Variants in CAMSAP2 observed in about 807,000 individuals in gnomAD.
CAMSAP2 encodes the protein calmodulin regulated spectrin associated protein family member 2, also known as calmodulin-regulated spectrin-associated protein 2.
Under a neutral mutation model 146.1 loss-of-function variants are expected in CAMSAP2, and 26 were observed. The ratio of observed to expected loss-of-function variants is 0.18; its 90% CI spans 0.13 to 0.25. CAMSAP2 has a LOEUF of 0.25. CAMSAP2 is among the 10% of genes least tolerant of loss of function. The probability of loss-of-function intolerance (pLI) is 1.00; values close to 1 mark genes in which losing one functional copy is unlikely to be tolerated. For synonymous variants in CAMSAP2, 499 were observed against 596.6 expected (o/e 0.84, Z 2.38); for missense variants, 1,381 against 1,759.3 (o/e 0.78, Z 3.85).
In CAMSAP2 at chr1:200,853,207, CA is replaced by C; in HGVS notation, c.3603-67del. On this transcript the variant is annotated intron_variant, in intron 12 of 16. Transcript: ENST00000358823. The surrounding 1 kb of genome is among the most constrained non-coding windows in gnomAD (Gnocchi z 5.1). ...GAATTCTCCTTTCTCATATCAAATACATAACTCTCTCCTGTATGGTTTGTCT... is the reference window on the plus strand; with the variant it reads ...GAATTCTCCTTTCTCATATCAAATACTAACTCTCTCCTGTATGGTTTGTCT... 1 of 1,345,318 alleles carries C rather than the reference CA, an allele frequency of 7.4e-7. No individual in the cohort carries two copies. The highest frequency in any genetic ancestry group is 2.3e-5 in the East Asian group (1 of 43,462). 83.3% of individuals were successfully genotyped at this position (1,345,318 alleles called of 1,614,324 possible). A position where few individuals can be genotyped will look rare whatever the true frequency, so the allele number is the denominator to read the frequency against.
intron 8 of CAMSAP2, 134 bp from the exon 9 acceptor site, chr1:200,847,076 C>T (rs1352493824): frequency 1.5e-5 from 9 of 607,154 alleles, no homozygotes; most frequent in Non-Finnish European, 2.5e-5. Flanking sequence ...TTGGTTTAAA[C>T]AATATGTTTC....
intron 1 of CAMSAP2, among the ~76,000 whole-genome samples, chr1:200,740,279 A>C (rs1274539197): frequency 6.7e-6 from 1 of 149,872 alleles, no homozygotes; most frequent in Non-Finnish European, 1.5e-5. Flanking sequence ...TATTTTCTTC[A>C]TTGTGTTGCG....
chr1:200,811,959 C>A (rs571939963), intron 3 of CAMSAP2, among the ~76,000 whole-genome samples: 20 of 152,196 alleles, frequency 1.3e-4, no homozygotes, highest in Admixed American at 1.0e-3. Context: ...AGCTCAGCTC[C>A]CAGCTTTCTG....
rs753923844 is a variant in CAMSAP2, at chr1:200,807,546, A to G, written c.561+9A>G. 1 of 1,567,124 alleles carries G rather than the reference A, an allele frequency of 6.4e-7. No individual in the cohort carries two copies. Among genetic ancestry groups the G allele is most frequent in the Non-Finnish European group, 8.7e-7 (1 of 1,155,004 alleles). ...TGTACTGGATAAATAAGGTAGGATTATACTCACTTGAGTAAATCGCATCTC... is the reference window on the plus strand; with the variant it reads ...TGTACTGGATAAATAAGGTAGGATTGTACTCACTTGAGTAAATCGCATCTC... On this transcript the variant is annotated intron_variant, in intron 3 of 16. Coordinates refer to ENST00000358823, the MANE Select transcript of CAMSAP2 (RefSeq NM_203459.4).
At chr1:200,798,785 T>A (rs1665956367) in intron 2 of CAMSAP2, among the ~76,000 whole-genome samples, 1 of 146,460 alleles carries the variant, frequency 6.8e-6, no homozygotes, top group African/African-American at 2.6e-5. Flanking sequence ...GCCCATTCAG[T>A]ATGATATTGG....
chr1:200,843,108 A>G lies in CAMSAP2; in HGVS notation c.1021+1021A>G, dbSNP rs148486361. On this transcript the variant is annotated intron_variant, in intron 7 of 16. Transcript: ENST00000358823. ...ATGGAAACATTTCTGTCTGCTACCAATAGCTGCCCTACCCAACGCAACACA... is the reference window on the plus strand; with the variant it reads ...ATGGAAACATTTCTGTCTGCTACCAGTAGCTGCCCTACCCAACGCAACACA... 6.3e-3 allele frequency among the ~76,000 whole-genome samples: 961 copies of G among 152,296 alleles called. 6 individuals are homozygous for G. Among genetic ancestry groups the G allele is most frequent in the Non-Finnish European group, 9.6e-3 (655 of 68,024 alleles).
intron 1 of CAMSAP2, among the ~76,000 whole-genome samples, chr1:200,751,248 TATAA>T (rs1398717432): frequency 2.0e-5 from 3 of 151,390 alleles, no homozygotes; most frequent in Middle Eastern, 3.5e-3. Context: ...ATATATAGGA[TATAA>T]ATAAATATAT....
At chr1:200,788,144 C>T (rs532402742) in intron 2 of CAMSAP2, among the ~76,000 whole-genome samples, 2 of 152,308 alleles carry the variant, frequency 1.3e-5, no homozygotes, top group South Asian at 2.1e-4. Context: ...GTAGCCTTTT[C>T]ACATTGACTT....
chr1:200,814,064 C>A (rs1169331480), intron 3 of CAMSAP2, among the ~76,000 whole-genome samples: 4 of 141,608 alleles, frequency 2.8e-5, no homozygotes, highest in South Asian at 2.3e-4. Flanking sequence ...GTCGAGATCA[C>A]GCCACTGCAC....
At chr1:200,795,360 A>C (rs1261181631) in intron 2 of CAMSAP2, among the ~76,000 whole-genome samples, 1 of 152,148 alleles carries the variant, frequency 6.6e-6, no homozygotes, top group African/African-American at 2.4e-5. Context: ...TTCTCTCTAG[A>C]GATCTAATGA....
chr1:200,843,759 T>C (rs921927698), intron 7 of CAMSAP2, among the ~76,000 whole-genome samples: 2 of 152,226 alleles, frequency 1.3e-5, no homozygotes, highest in Non-Finnish European at 2.9e-5. Flanking sequence ...ACCAGCTGTT[T>C]CATAAAGAAG....
Position 200,858,290 on chromosome 1 carries a change from G to C in CAMSAP2, c.*231G>C. On this transcript the variant is annotated 3_prime_UTR_variant, in exon 17 of 17. Transcript: ENST00000358823. ...GGAAATGTTTTAATTCACAAATGGA[G>C]ATTTGTATGTGTTATCAGGTTCACC... The C allele has an allele frequency of 2.4e-6, 1 of 418,080 alleles. No individual in the cohort carries two copies. The highest frequency in any genetic ancestry group is 4.2e-6 in the Non-Finnish European group (1 of 238,340). 25.9% of individuals were successfully genotyped at this position (418,080 alleles called of 1,614,324 possible).
intron 4 of CAMSAP2, among the ~76,000 whole-genome samples, chr1:200,822,924 T>A (rs1400289513): frequency 1.3e-5 from 2 of 152,184 alleles, no homozygotes; most frequent in Non-Finnish European, 2.9e-5. Flanking sequence ...TTTCAGACAG[T>A]GACTGTGAAT....
At chr1:200,776,571 G>A (rs1203144780) in intron 2 of CAMSAP2, among the ~76,000 whole-genome samples, 1 of 152,046 alleles carries the variant, frequency 6.6e-6, no homozygotes, top group Non-Finnish European at 1.5e-5. Context: ...GGGCAGGAAA[G>A]AGAGTTGACT....
At chr1:200,774,624 T>C (rs1242993388) in intron 2 of CAMSAP2, among the ~76,000 whole-genome samples, 2 of 152,184 alleles carry the variant, frequency 1.3e-5, no homozygotes, top group Admixed American at 6.5e-5. Context: ...TCATGTGTTA[T>C]TATAGTTAGA....
Position 200,739,844 on chromosome 1 carries a change from A to T in CAMSAP2, c.17A>T (p.Asp6Val). Residue 6 changes from aspartate to valine, a missense_variant, in exon 1 of 17, where the codon GAC becomes GTC. Physicochemically the swap from Asp to Val is radical, Grantham distance 152. Transcript: ENST00000358823. This position sits in a 1 kb window ranked among gnomAD's most constrained non-coding sequence, Gnocchi z 4.8. The stretch of plus-strand genomic sequence containing the variant: ...CGGTGAAAGATGGGGGATGCTGCAG[A>T]CCCCAGGGAGATGAGAAAGACGTTC... MGDAA[D>V]PREMRKTFIV... 6.2e-7 allele frequency: 1 copy of T among 1,613,830 alleles called. No individual in the cohort carries two copies. Among genetic ancestry groups the T allele is most frequent in the South Asian group, 1.1e-5 (1 of 91,046 alleles).
Position 200,860,195 on chromosome 1 carries a change from A to T in CAMSAP2, c.*2136A>T, listed in dbSNP as rs1490239240. On this transcript the variant is annotated 3_prime_UTR_variant, in exon 17 of 17. Coordinates refer to ENST00000358823, the MANE Select transcript of CAMSAP2 (RefSeq NM_203459.4). ...GAAGGAATATGGATATATTTCTTTA[A>T]GTCTGCAGATTTTTTTATTATGGTG... 4 of 152,712 alleles carry T rather than the reference A, an allele frequency of 2.6e-5. No homozygotes were observed. Among genetic ancestry groups the T allele is most frequent in the Non-Finnish European group, 5.9e-5 (4 of 67,982 alleles). 9.5% of individuals were successfully genotyped at this position (152,712 alleles called of 1,614,324 possible). A position where few individuals can be genotyped will look rare whatever the true frequency, so the allele number is the denominator to read the frequency against.
chr1:200,795,862 T>G (rs2103035934), intron 2 of CAMSAP2, among the ~76,000 whole-genome samples: 1 of 152,318 alleles, frequency 6.6e-6, no homozygotes, highest in South Asian at 2.1e-4. Flanking sequence ...TGGGCAGAAT[T>G]AAATAGCAGT....
intron 2 of CAMSAP2, among the ~76,000 whole-genome samples, chr1:200,796,856 A>AT (rs1665898267): frequency 6.7e-6 from 1 of 150,124 alleles, no homozygotes; most frequent in African/African-American, 2.5e-5. Context: ...AGAGTGTGAT[A>AT]TTCCCCTTCC....
Sources: gnomAD v4.1 joint callset for allele counts (sites outside exome capture counted in the v4.1 genomes callset) on GRCh38, gnomAD v4.1.1 for gene constraint, Gnocchi (gnomAD v3.1) non-coding constraint, MANE v1.5 for transcripts, NCBI Gene and HGNC (gene_info 2026-07-23, HGNC 2026-07-21) for gene names.